COQ10A: variants seen among roughly 807,000 people sequenced by gnomAD.
The protein encoded by COQ10A is coenzyme Q-binding protein COQ10 homolog A, mitochondrial.
Under a neutral mutation model 26.1 loss-of-function variants are expected in COQ10A, and 25 were observed. The observed-to-expected ratio is 0.96, with a 90% CI of 0.70 to 1.34. The LOEUF (loss-of-function observed/expected upper bound fraction) is 1.34, where lower values mean the gene tolerates loss of function less well. COQ10A is among the 40% of genes most tolerant of loss of function. The probability of loss-of-function intolerance (pLI) is 0.00; values close to 1 mark genes in which losing one functional copy is unlikely to be tolerated. For synonymous variants in COQ10A, 132 were observed against 124.0 expected, an observed-to-expected ratio of 1.06 and a Z score of -0.43; for missense variants, 312 against 335.4, an observed-to-expected ratio of 0.93 and a Z score of 0.54.
At chr12:56,270,121 G>T in intron 4 of COQ10A, 29 bp from the exon 5 acceptor site, 1 of 1,604,924 alleles carries the variant, frequency 6.2e-7, no homozygotes, top group Non-Finnish European at 8.5e-7. Context: ...TGGTCTGGAA[G>T]TTTCTGACTG....
rs139656587 is a variant in COQ10A at position 56,268,017 on chromosome 12, T to C, written c.281+77T>C. 6.9e-5 allele frequency: 108 copies of C among 1,562,194 alleles called. 1 individual carries two copies. Among genetic ancestry groups the C allele is most frequent in the Middle Eastern group, 2.0e-4 (1 of 4,970 alleles). ...CCCTGTCCAGGCAAGAATGTCAGGG[T>C]ATCATCGGTGGGCAAGATTCATCCC... On this transcript the variant is annotated intron_variant, in intron 2 of 4. Transcript: ENST00000308197.
rs1465029542 is a variant in COQ10A at position 56,270,579 on chromosome 12, A to G, written c.*262A>G. ...ATATGCCTGCAGCCTTTTCACTACG[A>G]ATTAGAATAAGGACTATGTGGTTGT... On this transcript the variant is annotated 3_prime_UTR_variant, in exon 5 of 5. Coordinates refer to ENST00000308197, the MANE Select transcript of COQ10A (RefSeq NM_144576.4). The G allele has an allele frequency of 2.4e-6, 1 of 414,198 alleles. No individual in the cohort carries two copies. The highest frequency in any genetic ancestry group is 4.4e-6 in the Non-Finnish European group (1 of 229,414). The allele number at this position is 414,198 out of a possible 1,614,324, so 25.7% of individuals were successfully genotyped here. A position where few individuals can be genotyped will look rare whatever the true frequency, so the allele number is the denominator to read the frequency against.
chr12:56,270,094 C>G, intron 4 of COQ10A, 56 bp from the exon 5 acceptor site: 1 of 1,546,344 alleles, frequency 6.5e-7, no homozygotes, highest in South Asian at 1.2e-5. Flanking sequence ...TTGCATTTGG[C>G]CAGGGACTAT....
In COQ10A at chr12:56,267,271, C is replaced by A; in HGVS notation, c.134+19C>A. 6.4e-7 allele frequency: 1 copy of A among 1,569,520 alleles called. No individual in the cohort carries two copies. Among genetic ancestry groups the A allele is most frequent in the Non-Finnish European group, 8.7e-7 (1 of 1,155,340 alleles). The stretch of plus-strand genomic sequence containing the variant: ...CAATGAGGTGAGAGGGAGGTGACCG[C>A]GGCTGAGGGCAGGGGGTCGCTGCGA... On this transcript the variant is annotated intron_variant, in intron 1 of 4. Coordinates refer to ENST00000308197, the MANE Select transcript of COQ10A (RefSeq NM_144576.4).
chr12:56,270,377 T>A lies in COQ10A; in HGVS notation c.*60T>A. Reference sequence around the variant, plus strand: ...CACTTCCCTACACAATTCTCTTATTTATTTGGTTTGGCTCCTGTTCCAATT... The same window carrying A: ...CACTTCCCTACACAATTCTCTTATTAATTTGGTTTGGCTCCTGTTCCAATT... On this transcript the variant is annotated 3_prime_UTR_variant, in exon 5 of 5. Coordinates refer to ENST00000308197, the MANE Select transcript of COQ10A (RefSeq NM_144576.4). The A allele has an allele frequency of 6.5e-7, 1 of 1,538,496 alleles. No individual in the cohort carries two copies. Among genetic ancestry groups the A allele is most frequent in the Non-Finnish European group, 8.9e-7 (1 of 1,128,466 alleles).
chr12:56,268,052 C>T (rs534030890), intron 2 of COQ10A, 112 bp downstream of exon 2: 20 of 1,321,334 alleles, frequency 1.5e-5, no homozygotes, highest in Admixed American at 7.3e-5. Flanking sequence ...CTAGCCATCC[C>T]CCTCCCCAGC....
At chr12:56,269,345 T>TCCATGTGTCA in intron 3 of COQ10A, 94 bp downstream of exon 3, 1 of 1,468,814 alleles carries the variant, frequency 6.8e-7, no homozygotes, top group Non-Finnish European at 9.5e-7. Context: ...GTACTTTATG[T>TCCATGTGTCA]CCATGTGTCA....
At position 56,269,550 on chromosome 12, in the gene COQ10A, G is replaced by A; in HGVS notation, c.565G>A (p.Val189Met). 1 of 1,613,140 alleles carries A rather than the reference G, an allele frequency of 6.2e-7. No individual in the cohort carries two copies. The highest frequency in any genetic ancestry group is 8.5e-7 in the Non-Finnish European group (1 of 1,179,058). The change falls in exon 4 of 5, where the codon GTG becomes ATG. Residue 189 changes from valine (V) to methionine (M), a missense_variant. Physicochemically the swap from Val to Met is conservative, Grantham distance 21. Coordinates refer to ENST00000308197, the MANE Select transcript of COQ10A (RefSeq NM_144576.4). ...TCCTGCCTATCCTCGAACCTGCACT[G>A]TGGACTTTTCGGTGAGTCAGGAGGT... ...GIPAYPRTCT[V>M]DFSISFEFRS...
intron 2 of COQ10A, 60 bp downstream of exon 2, chr12:56,268,000 A>G: frequency 6.3e-7 from 1 of 1,592,882 alleles, no homozygotes; most frequent in Non-Finnish European, 8.6e-7. Context: ...AACCCTGTCC[A>G]GGCAAGAATG....
In COQ10A at chr12:56,267,803, C is replaced by T; in HGVS notation, c.144C>T (p.Thr48=). Reference sequence around the variant, plus strand: ...TTTCCTTTGGCCTTAGGTTTCTGACCTCCTGCAGCCTCCTCTTGCCTCGGG... The same window carrying T: ...TTTCCTTTGGCCTTAGGTTTCTGACTTCCTGCAGCCTCCTCTTGCCTCGGG... ...LPPPRPMRFL[T]SCSLLLPRAA... is the part of the protein sequence containing the mutation. Residue 48 remains threonine (T), a synonymous_variant, in exon 2 of 5, where the codon ACC becomes ACT. Transcript: ENST00000308197. 3.7e-6 allele frequency: 6 copies of T among 1,614,190 alleles called. No homozygotes were observed. Among genetic ancestry groups the T allele is most frequent in the Non-Finnish European group, 5.1e-6 (6 of 1,180,026 alleles).
Position 56,267,129 on chromosome 12 carries a change from C to A in COQ10A, c.11C>A (p.Ala4Glu). The A allele has an allele frequency of 7.7e-7, 1 of 1,299,158 alleles. No homozygotes were observed. The highest frequency in any genetic ancestry group is 9.7e-7 in the Non-Finnish European group (1 of 1,029,092). The allele number at this position is 1,299,158 out of a possible 1,614,324, so 80.5% of individuals were successfully genotyped here. ...GGCAGGGTCGCGCGCATGGCCTGGG[C>A]GGGCTCGCGGCGGGTCCCAGCTGGG... Reference protein sequence around the residue: MAWAGSRRVPAGTR... With the variant: MAWEGSRRVPAGTR... Residue 4 changes from alanine (A) to glutamate (E), a missense_variant, in exon 1 of 5, where the codon GCG becomes GAG. Physicochemically the swap from Ala to Glu is moderately radical, Grantham distance 107. Coordinates refer to ENST00000308197, the MANE Select transcript of COQ10A (RefSeq NM_144576.4).
intron 4 of COQ10A, chr12:56,269,789 G>A (rs1423614395): frequency 5.6e-6 from 3 of 534,392 alleles, no homozygotes; most frequent in East Asian, 3.4e-5. Flanking sequence ...TACCAAGCCC[G>A]ACTGATTTTT....
In COQ10A at chr12:56,267,136, G is replaced by A; in HGVS notation, c.18G>A (p.Ser6=). 2 of 1,302,178 alleles carry A rather than the reference G, an allele frequency of 1.5e-6. No individual in the cohort carries two copies. Among genetic ancestry groups the A allele is most frequent in the Non-Finnish European group, 1.9e-6 (2 of 1,031,010 alleles). The allele number at this position is 1,302,178 out of a possible 1,614,324, so 80.7% of individuals were successfully genotyped here. A position where few individuals can be genotyped will look rare whatever the true frequency, so the allele number is the denominator to read the frequency against. The stretch of plus-strand genomic sequence containing the variant: ...TCGCGCGCATGGCCTGGGCGGGCTC[G>A]CGGCGGGTCCCAGCTGGGACGCGCG... MAWAG[S]RRVPAGTRAA... is the part of the protein sequence containing the mutation. Residue 6 remains serine, a synonymous_variant, in exon 1 of 5, where the codon TCG becomes TCA. Transcript: ENST00000308197.
In COQ10A at chr12:56,270,463, A is replaced by T; in HGVS notation, c.*146A>T. 1 of 845,974 alleles carries T rather than the reference A, an allele frequency of 1.2e-6. No homozygotes were observed. The highest frequency in any genetic ancestry group is 1.8e-6 in the Non-Finnish European group (1 of 557,436). The allele number at this position is 845,974 out of a possible 1,614,324, so 52.4% of individuals were successfully genotyped here. A position where few individuals can be genotyped will look rare whatever the true frequency, so the allele number is the denominator to read the frequency against. ...CTCAATTTCCCAGAAATTGGGTTCT[A>T]TGCTGGCTGGAAATGTTGGGGGAAA... On this transcript the variant is annotated 3_prime_UTR_variant, in exon 5 of 5. Coordinates refer to ENST00000308197, the MANE Select transcript of COQ10A (RefSeq NM_144576.4).
In COQ10A at chr12:56,270,766, G is replaced by C. The variant is rs561397884; in HGVS notation, c.*449G>C. ...CAGGAGAAAAGGCAACCTGCCTCCA[G>C]CCTGAAATACATAAAGCCTCATTTT... On this transcript the variant is annotated 3_prime_UTR_variant, in exon 5 of 5. Transcript: ENST00000308197. 6.5e-6 allele frequency: 1 copy of C among 153,780 alleles called. No individual in the cohort carries two copies. The highest frequency in any genetic ancestry group is 2.4e-5 in the African/African-American group (1 of 41,588). 9.5% of individuals were successfully genotyped at this position (153,780 alleles called of 1,614,324 possible). A position where few individuals can be genotyped will look rare whatever the true frequency, so the allele number is the denominator to read the frequency against.
chr12:56,268,497 CAG>C (rs1189990269), intron 2 of COQ10A: 1 of 158,196 alleles, frequency 6.3e-6, no homozygotes, highest in Non-Finnish European at 1.4e-5. Flanking sequence ...AAACAAAAAA[CAG>C]GGTGTATTTT....
At position 56,269,664 on chromosome 12, in the gene COQ10A, G is replaced by A. The variant is rs531441933; in HGVS notation, c.576+103G>A. 6.8e-5 allele frequency: 60 copies of A among 888,214 alleles called. No homozygotes were observed. The East Asian group carries it at 7.1e-4, about 11-fold the overall frequency. 55.0% of individuals were successfully genotyped at this position (888,214 alleles called of 1,614,324 possible). On this transcript the variant is annotated intron_variant, in intron 4 of 4. Coordinates refer to ENST00000308197, the MANE Select transcript of COQ10A (RefSeq NM_144576.4). ...TTTATTTGAGATGGAGTCTTGCTCC[G>A]TCACCCAGGCTGGAGTGCAATGGCA...
At chr12:56,267,638 C>T (rs925951315) in intron 1 of COQ10A, 156 bp from the exon 2 acceptor site, 5 of 1,237,096 alleles carry the variant, frequency 4.0e-6, no homozygotes, top group African/African-American at 1.5e-5. Flanking sequence ...CTCGTGACTC[C>T]CTGGCCAGAG....
chr12:56,269,382 G>T, intron 3 of COQ10A, 78 bp from the exon 4 acceptor site: 1 of 1,482,308 alleles, frequency 6.7e-7, no homozygotes, highest in Non-Finnish European at 9.4e-7. Flanking sequence ...CAGAAAAGAA[G>T]GAAAATGGCT....
Sources: gnomAD v4.1 joint callset for allele counts on GRCh38, gnomAD v4.1.1 for gene constraint, MANE v1.5 for transcripts, NCBI Gene and HGNC (gene_info 2026-07-23, HGNC 2026-07-21) for gene names.